PGM1: variants seen among roughly 807,000 people sequenced by gnomAD.
PGM1 encodes phosphoglucomutase-1.
A neutral mutation model predicts 55.6 loss-of-function variants in PGM1; 52 were observed. That is an observed-to-expected ratio of 0.94 (90% CI 0.75 to 1.18). PGM1 has a LOEUF of 1.18. Ranked by LOEUF, PGM1 falls within the 50% of genes most tolerant of loss-of-function variation. The probability of loss-of-function intolerance (pLI) is 0.00; values close to 1 mark genes in which losing one functional copy is unlikely to be tolerated. For synonymous variants in PGM1, 287 were observed against 271.7 expected, an observed-to-expected ratio of 1.06 and a Z score of -0.55; for missense variants, 724 against 729.3, an observed-to-expected ratio of 0.99 and a Z score of 0.08.
At chr1:63,655,182 A>AT (rs1479494178) in intron 10 of PGM1, among the ~76,000 whole-genome samples, 1 of 149,016 alleles carries the variant, frequency 6.7e-6, no homozygotes, top group African/African-American at 2.5e-5. Context: ...GTCTTAGTAC[A>AT]TTGCCTAGGC....
intron 1 of PGM1, among the ~76,000 whole-genome samples, chr1:63,596,254 C>CTTTT (rs531673796): frequency 2.3e-3 from 259 of 111,300 alleles, no homozygotes; most frequent in Non-Finnish European, 3.1e-3. Context: ...TTTTCTTCTT[C>CTTTT]TTTTTTTTTT....
intron 1 of PGM1, among the ~76,000 whole-genome samples, chr1:63,594,995 T>G (rs1159144960): frequency 6.6e-6 from 1 of 151,232 alleles, no homozygotes; most frequent in African/African-American, 2.4e-5. Flanking sequence ...AGTGGATTGA[T>G]AAGTTGGGGC....
chr1:63,609,721 A>G (rs943954547), intron 1 of PGM1, among the ~76,000 whole-genome samples: 2 of 152,152 alleles, frequency 1.3e-5, no homozygotes, highest in African/African-American at 4.8e-5. Context: ...CCCGAGGGTA[A>G]ACGACCAATA....
intron 6 of PGM1, among the ~76,000 whole-genome samples, chr1:63,637,976 A>C (rs1649406863): frequency 6.6e-6 from 1 of 150,484 alleles, no homozygotes; most frequent in Non-Finnish European, 1.5e-5. Flanking sequence ...GGAACTTATC[A>C]GGTAACTTTT....
At chr1:63,600,346 C>A (rs1164197486) in intron 1 of PGM1, 1 of 152,148 alleles carries the variant, frequency 6.6e-6, no homozygotes, top group African/African-American at 2.4e-5. Flanking sequence ...AAAACGTTCT[C>A]CCTTTCTGAG....
At chr1:63,640,143 C>T (rs1649477567) in intron 7 of PGM1, among the ~76,000 whole-genome samples, 1 of 152,214 alleles carries the variant, frequency 6.6e-6, no homozygotes, top group Non-Finnish European at 1.5e-5. Flanking sequence ...TCCCATGAAA[C>T]TCCCCACAGG....
chr1:63,594,788 C>CAAAAAA (rs34661751), intron 1 of PGM1, among the ~76,000 whole-genome samples: 1 of 90,524 alleles, frequency 1.1e-5, no homozygotes, highest in African/African-American at 4.3e-5. Context: ...CTAAAAAATA[C>CAAAAAA]AAAAAAAAAA....
chr1:63,632,992 C>A (rs189948560), intron 4 of PGM1, among the ~76,000 whole-genome samples: 12 of 152,144 alleles, frequency 7.9e-5, no homozygotes, highest in Admixed American at 3.9e-4. Flanking sequence ...CACTGCCCCC[C>A]AGCCTGGGCG....
intron 1 of PGM1, among the ~76,000 whole-genome samples, chr1:63,605,162 A>T (rs1335360722): frequency 6.6e-6 from 1 of 152,092 alleles, no homozygotes; most frequent in Non-Finnish European, 1.5e-5. Context: ...GTAAGAGTGG[A>T]CATTGGAGAA....
intron 7 of PGM1, among the ~76,000 whole-genome samples, chr1:63,647,123 A>C (rs1206544100): frequency 2.0e-5 from 3 of 151,280 alleles, no homozygotes; most frequent in Admixed American, 6.6e-5. Flanking sequence ...GGCACCTATA[A>C]TCCCAGCTAC....
intron 7 of PGM1, among the ~76,000 whole-genome samples, chr1:63,642,540 T>C (rs932896097): frequency 1.3e-5 from 2 of 152,216 alleles, no homozygotes; most frequent in Non-Finnish European, 2.9e-5. Flanking sequence ...CATCCCACCT[T>C]AGAATTGTTG....
chr1:63,623,373 G>A (rs1648934979), intron 1 of PGM1: 2 of 1,534,398 alleles, frequency 1.3e-6, no homozygotes, highest in South Asian at 1.3e-5. Context: ...ATACGACACT[G>A]TTGCAGCTTC....
rs1447954828 is a variant in PGM1 at position 63,657,581 on chromosome 1, A to G, written c.1600-2005A>G. On this transcript the variant is annotated intron_variant, in intron 10 of 10. Transcript: ENST00000371084. Reference sequence around the variant, plus strand: ...TATTGTTGTCCAACGTATCTCTAAAACTTTTTTCCCCCAAAACTAAAACTC... The same window carrying G: ...TATTGTTGTCCAACGTATCTCTAAAGCTTTTTTCCCCCAAAACTAAAACTC... Among the ~76,000 whole-genome samples the G allele has an allele frequency of 2.0e-5, 3 of 152,256 alleles. No homozygotes were observed. The East Asian group carries it at 5.8e-4, about 29-fold the overall frequency.
chr1:63,606,946 C>G (rs964394945), intron 1 of PGM1, among the ~76,000 whole-genome samples: 1 of 152,148 alleles, frequency 6.6e-6, no homozygotes, highest in African/African-American at 2.4e-5. Context: ...TGCCATTGTA[C>G]GAGTCTTAAA....
At chr1:63,630,344 G>C (rs1649162219) in intron 3 of PGM1, among the ~76,000 whole-genome samples, 1 of 152,150 alleles carries the variant, frequency 6.6e-6, no homozygotes, top group Non-Finnish European at 1.5e-5. Context: ...CAGTTTTCAT[G>C]CCTTGACTAG....
At chr1:63,607,067 C>T (rs1182204916) in intron 1 of PGM1, among the ~76,000 whole-genome samples, 1 of 152,196 alleles carries the variant, frequency 6.6e-6, no homozygotes, top group Non-Finnish European at 1.5e-5. Context: ...CACAATCTAA[C>T]TTCAGAATAT....
In PGM1 at chr1:63,659,674, A is replaced by G; in HGVS notation, c.1688A>G (p.Ter563=). The G allele has an allele frequency of 6.2e-7, 1 of 1,608,462 alleles. No individual in the cohort carries two copies. The highest frequency in any genetic ancestry group is 1.1e-5 in the South Asian group (1 of 90,990). The part of the protein sequence containing the change: ...TGRTAPTVIT[*] ...CGCACTGCACCCACTGTCATCACCT[A>G]AGAAGACAGGCCTGATGTGGTACGT... The change falls in exon 11 of 11, where the codon TAA becomes TGA. Residue 563 remains the stop codon, a stop_retained_variant. Coordinates refer to ENST00000371084, the MANE Select transcript of PGM1 (RefSeq NM_002633.3).
intron 5 of PGM1, 86 bp from the exon 6 acceptor site, chr1:63,636,148 A>G: frequency 1.5e-6 from 2 of 1,303,596 alleles, no homozygotes; most frequent in South Asian, 1.2e-5. Flanking sequence ...TTATAGTTTT[A>G]CATTTTATAA....
rs145409612 is a variant in PGM1 at position 63,634,413 on chromosome 1, T to C, written c.683-416T>C. 2.1e-3 allele frequency among the ~76,000 whole-genome samples: 325 copies of C among 152,288 alleles called. 12 individuals are homozygous for C. The East Asian group carries it at 0.049, about 23-fold the overall frequency. On this transcript the variant is annotated intron_variant, in intron 4 of 10. Coordinates refer to ENST00000371084, the MANE Select transcript of PGM1 (RefSeq NM_002633.3). ...AGTTTAAATAACTTTCCCAAAATTA[T>C]TATACAGCCAATGACTGGCAGAGCT...
Sources: gnomAD v4.1 joint callset for allele counts (sites outside exome capture counted in the v4.1 genomes callset) on GRCh38, gnomAD v4.1.1 for gene constraint, MANE v1.5 for transcripts, NCBI Gene and HGNC (gene_info 2026-07-23, HGNC 2026-07-21) for gene names.